Variants in ZNF880 observed in about 807,000 individuals in gnomAD.
The protein encoded by ZNF880 is zinc finger protein LOC400713.
A neutral mutation model predicts 11.8 loss-of-function variants in ZNF880; 12 were observed. That is an observed-to-expected ratio of 1.02 (90% CI 0.65 to 1.65). The LOEUF (loss-of-function observed/expected upper bound fraction) is 1.65, where lower values mean the gene tolerates loss of function less well. Among genes scored for constraint, ZNF880 ranks in the 40% most tolerant of loss-of-function variants. The pLI is 0.00. For synonymous variants in ZNF880, 210 were observed against 232.4 expected (o/e 0.90, Z 0.88); for missense variants, 601 against 673.9 (o/e 0.89, Z 1.20).
intron 2 of ZNF880, 100 bp downstream of exon 2, chr19:52,373,337 C>A: frequency 7.9e-7 from 1 of 1,263,228 alleles, no homozygotes; most frequent in South Asian, 1.5e-5. Context: ...TATTGCTTGA[C>A]TGAGATTGAA....
At chr19:52,369,326 C>T (rs1197074064), upstream of ZNF880, among the ~76,000 whole-genome samples, 1 of 139,410 alleles carries the variant, frequency 7.2e-6, no homozygotes, top group Non-Finnish European at 1.5e-5. Flanking sequence ...CGCGCCACTT[C>T]ACTCCAGCCT....
intron 1 of ZNF880, among the ~76,000 whole-genome samples, chr19:52,371,860 C>G (rs1256199301): frequency 6.6e-6 from 1 of 152,020 alleles, no homozygotes; most frequent in South Asian, 2.1e-4. Flanking sequence ...ACATGTACAA[C>G]ATTTAGAAAG....
rs745560100 is a variant in ZNF880, at chr19:52,384,938, A to G, written c.1358A>G (p.Asn453Ser). The G allele has an allele frequency of 3.2e-6, 5 of 1,585,322 alleles. No individual in the cohort carries two copies. The highest frequency in any genetic ancestry group is 1.3e-5 in the African/African-American group (1 of 74,364). Residue 453 changes from asparagine to serine, a missense_variant, in exon 4 of 4, where the codon AAT becomes AGT. Physicochemically the swap from Asn to Ser is conservative, Grantham distance 46 (BLOSUM62 1). This residue lies in a region of ZNF880 where 177 missense variants were observed against 214.5 expected (regional missense o/e 0.83). Coordinates refer to ENST00000422689, the MANE Select transcript of ZNF880 (RefSeq NM_001145434.2). ...TTCAGGCATAGATTATCCCTAAGCA[A>G]TCATCAGAGATTTCATACTGGAGAG... Reference protein sequence around the residue: ...KVFRHRLSLSNHQRFHTGEKP... With the variant: ...KVFRHRLSLSSHQRFHTGEKP...
downstream of ZNF880, among the ~76,000 whole-genome samples, chr19:52,387,572 C>T (rs1408322810): frequency 7.1e-6 from 1 of 140,992 alleles, no homozygotes; most frequent in Non-Finnish European, 1.5e-5. Flanking sequence ...CTTCAGCTTC[C>T]CTAATAGCTG....
chr19:52,370,141 T>C, intron 1 of ZNF880, 164 bp downstream of exon 1: 1 of 904,034 alleles, frequency 1.1e-6, no homozygotes, highest in Non-Finnish European at 1.7e-6. Context: ...CTTCCCTGAG[T>C]GTTAAAATCG....
chr19:52,372,311 A>G (rs141781243), intron 1 of ZNF880, among the ~76,000 whole-genome samples: 3,653 of 146,824 alleles, frequency 0.025, 158 homozygotes, highest in African/African-American at 0.087. Context: ...TTTTGGAGAC[A>G]GAGTCTCGCT....
downstream of ZNF880, among the ~76,000 whole-genome samples, chr19:52,386,554 G>A (rs1986892177): frequency 7.0e-6 from 1 of 143,562 alleles, no homozygotes; most frequent in South Asian, 2.2e-4. Context: ...TGTAATCCCA[G>A]CACTTTGGGA....
downstream of ZNF880, among the ~76,000 whole-genome samples, chr19:52,388,350 T>C (rs1010282987): frequency 7.3e-6 from 1 of 136,496 alleles, no homozygotes; most frequent in Non-Finnish European, 1.5e-5. Context: ...TGGCGCGATC[T>C]TGGCTCATGG....
chr19:52,372,846 G>C (rs1242291419), intron 1 of ZNF880, among the ~76,000 whole-genome samples: 7 of 147,402 alleles, frequency 4.7e-5, no homozygotes, highest in Admixed American at 1.4e-4. Flanking sequence ...GGAGGCGGAG[G>C]TTGCAGTGAG....
chr19:52,369,869 C>T, upstream of ZNF880: 4 of 1,497,112 alleles, frequency 2.7e-6, no homozygotes, highest in South Asian at 3.6e-5. Flanking sequence ...GAAGCGCAGG[C>T]TCCGCCCAAT....
intron 1 of ZNF880, among the ~76,000 whole-genome samples, chr19:52,371,843 C>T (rs902024767): frequency 3.3e-5 from 5 of 152,040 alleles, no homozygotes; most frequent in Non-Finnish European, 5.9e-5. Flanking sequence ...TTGTTATAGC[C>T]GTTAGTACAT....
chr19:52,385,162 G>A lies in ZNF880; in HGVS notation c.1582G>A (p.Val528Ile), dbSNP rs2122420961. The A allele has an allele frequency of 6.4e-7, 1 of 1,555,222 alleles. No homozygotes were observed. The highest frequency in any genetic ancestry group is 8.7e-7 in the Non-Finnish European group (1 of 1,149,214). The change falls in exon 4 of 4, where the codon GTC (valine) becomes ATC (isoleucine). Residue 528 changes from valine (V) to isoleucine (I), a missense_variant. Physicochemically the swap from Val to Ile is conservative, Grantham distance 29. Around this residue, in one of 3 missense-constraint regions of ZNF880, gnomAD observed 177 missense variants for 214.5 expected, o/e 0.83. Coordinates refer to ENST00000422689, the MANE Select transcript of ZNF880 (RefSeq NM_001145434.2). Reference sequence around the variant, plus strand: ...TTACAAATGCAATGAATGTGGCAAGGTCTTCAGCCACAAGTTATACCTAAA... The same window carrying A: ...TTACAAATGCAATGAATGTGGCAAGATCTTCAGCCACAAGTTATACCTAAA... ...KSYKCNECGK[V>I]FSHKLYLKKH...
chr19:52,387,770 AAAGT>A (rs1275358422), downstream of ZNF880, among the ~76,000 whole-genome samples: 1 of 142,592 alleles, frequency 7.0e-6, no homozygotes, highest in Non-Finnish European at 1.5e-5. Context: ...TAAATGAAAG[AAAGT>A]ATGTTAATAA....
At chr19:52,379,057 G>C (rs1161045860) in intron 3 of ZNF880, among the ~76,000 whole-genome samples, 3 of 151,892 alleles carry the variant, frequency 2.0e-5, no homozygotes, top group African/African-American at 7.3e-5. Flanking sequence ...CCTTAGTACA[G>C]AGTGATACCC....
the ZNF880 span, chr19:52,395,475 T>C: frequency 6.6e-6 from 1 of 152,216 alleles, no homozygotes; most frequent in African/African-American, 2.4e-5. Context: ...CTCCACATCC[T>C]TGCTTGTGAA....
At chr19:52,394,032 G>A in the ZNF880 span, among the ~76,000 whole-genome samples, 1 of 151,418 alleles carries the variant, frequency 6.6e-6, no homozygotes, top group African/African-American at 2.4e-5. Flanking sequence ...GTAGAGATGG[G>A]GTTTCACCGT....
rs368213080 is a variant in ZNF880, at chr19:52,385,062, C to T, written c.1482C>T (p.Cys494=). The part of the protein sequence containing the change: ...RIHTGEKPYK[C]SECHKVFSHN... ...ATACTGGAGAGAAACCTTACAAATG[C>T]AGTGAATGTCACAAAGTCTTTAGTC... Residue 494 remains cysteine, a synonymous_variant, in exon 4 of 4, where the codon TGC becomes TGT. Coordinates refer to ENST00000422689, the MANE Select transcript of ZNF880 (RefSeq NM_001145434.2). The T allele has an allele frequency of 3.2e-6, 5 of 1,559,640 alleles. No individual in the cohort carries two copies. Among genetic ancestry groups the T allele is most frequent in the South Asian group, 2.4e-5 (2 of 84,724 alleles).
At chr19:52,373,669 ATT>A (rs35788651) in intron 2 of ZNF880, among the ~76,000 whole-genome samples, 3 of 102,566 alleles carry the variant, frequency 2.9e-5, no homozygotes, top group Admixed American at 1.2e-4. Context: ...AAATACTGTA[ATT>A]TTTTTTTTTT....
At chr19:52,376,496 GCC>G (rs772625389) in intron 3 of ZNF880, among the ~76,000 whole-genome samples, 20,500 of 49,856 alleles carry the variant, frequency 0.41, 1,928 homozygotes, top group South Asian at 0.44. Context: ...CCTTAGCACC[GCC>G]CCCCCCCCCC....
Sources: gnomAD v4.1 joint callset for allele counts (sites outside exome capture counted in the v4.1 genomes callset) on GRCh38, gnomAD v4.1.1 for gene constraint, gnomAD v4.1.1 regional missense constraint, MANE v1.5 for transcripts, NCBI Gene and HGNC (gene_info 2026-07-23, HGNC 2026-07-21) for gene names.